UBQLN1: variants seen among roughly 807,000 people sequenced by gnomAD.
UBQLN1 encodes ubiquilin 1.
UBQLN1 carries 13 observed loss-of-function variants against 65.4 expected under a neutral mutation model. That is an observed-to-expected ratio of 0.20 (90% CI 0.13 to 0.32). The LOEUF is 0.32. Among genes scored for constraint, UBQLN1 ranks in the 10% least tolerant of loss-of-function variants. UBQLN1 has a pLI of 1.00. For synonymous variants in UBQLN1, 267 were observed against 247.8 expected (o/e 1.08, Z -0.73); for missense variants, 561 against 724.0 (o/e 0.77, Z 2.58).
intron 1 of UBQLN1, among the ~76,000 whole-genome samples, chr9:83,700,282 T>A (rs1017875701): frequency 6.6e-6 from 1 of 151,600 alleles, no homozygotes; most frequent in Admixed American, 6.6e-5. Context: ...GCCTGGAGAG[T>A]GGTGACCTGG....
chr9:83,669,139 T>G, intron 7 of UBQLN1, 46 bp downstream of exon 7: 2 of 1,572,792 alleles, frequency 1.3e-6, no homozygotes, highest in Non-Finnish European at 1.7e-6. Context: ...ATTAGGTTAT[T>G]TTAATTCACA....
chr9:83,674,648 T>C (rs914966928), intron 6 of UBQLN1, among the ~76,000 whole-genome samples: 4 of 152,180 alleles, frequency 2.6e-5, no homozygotes, highest in Admixed American at 2.0e-4. Flanking sequence ...AGGAACAGTT[T>C]TTCTCAGAGT....
intron 1 of UBQLN1, among the ~76,000 whole-genome samples, chr9:83,692,438 C>CTT (rs1832143706): frequency 1.3e-5 from 2 of 152,192 alleles, no homozygotes; most frequent in Non-Finnish European, 2.9e-5. Context: ...GAATCAGAAA[C>CTT]TAAATAGTAT....
rs186760084 is a variant in UBQLN1 at position 83,688,581 on chromosome 9, G to A, written c.181-2426C>T. 1.5e-3 allele frequency among the ~76,000 whole-genome samples: 224 copies of A among 151,436 alleles called. 1 individual carries two copies. The highest frequency in any genetic ancestry group is 5.1e-3 in the African/African-American group (209 of 41,262). ...AGATACTAGATTAAACACATGCATC[G>A]GGCGGGGTGCAGTGGCTCACACCTG... On this transcript the variant is annotated intron_variant, in intron 1 of 10. Coordinates refer to ENST00000376395, the MANE Select transcript of UBQLN1 (RefSeq NM_013438.5).
chr9:83,671,761 G>A (rs1222523377), intron 6 of UBQLN1, among the ~76,000 whole-genome samples: 2 of 152,052 alleles, frequency 1.3e-5, no homozygotes, highest in Admixed American at 1.3e-4. Context: ...TAATAAATGA[G>A]CACTGGCTTC....
At position 83,664,843 on chromosome 9, in the gene UBQLN1, C is replaced by T. The variant is rs548097166; in HGVS notation, c.1448+187G>A. Reference sequence around the variant, plus strand: ...CTGAGGTGAGAGAATCCCTTGAGCCCGAGAGGTCGAGGCTGCAGTGAGCCA... The same window carrying T: ...CTGAGGTGAGAGAATCCCTTGAGCCTGAGAGGTCGAGGCTGCAGTGAGCCA... On this transcript the variant is annotated intron_variant, in intron 9 of 10. Coordinates refer to ENST00000376395, the MANE Select transcript of UBQLN1 (RefSeq NM_013438.5). Among the ~76,000 whole-genome samples, 11 of 146,564 alleles carry T rather than the reference C, an allele frequency of 7.5e-5. No homozygotes were observed. The South Asian group carries it at 1.1e-3, about 14-fold the overall frequency.
chr9:83,667,822 C>T, intron 7 of UBQLN1: 1 of 975,352 alleles, frequency 1.0e-6, no homozygotes, highest in South Asian at 4.8e-5. Flanking sequence ...ATAGAAAAAC[C>T]ACAAATTTTA....
At position 83,660,681 on chromosome 9, in the gene UBQLN1, C is replaced by T. The variant is rs1831549896; in HGVS notation, c.*1106G>A. On this transcript the variant is annotated 3_prime_UTR_variant, in exon 11 of 11. Transcript: ENST00000376395. Reference sequence around the variant, plus strand: ...CGCTGCCCCACCCCCCCACCCCGTCCCCCTTTCTCTGAGGCTCTGAAAAGC... The same window carrying T: ...CGCTGCCCCACCCCCCCACCCCGTCTCCCTTTCTCTGAGGCTCTGAAAAGC... The T allele has an allele frequency of 6.7e-6, 1 of 150,226 alleles. No homozygotes were observed. The highest frequency in any genetic ancestry group is 1.5e-5 in the Non-Finnish European group (1 of 67,694). 9.3% of individuals were successfully genotyped at this position (150,226 alleles called of 1,614,324 possible). A position where few individuals can be genotyped will look rare whatever the true frequency, so the allele number is the denominator to read the frequency against.
intron 8 of UBQLN1, 131 bp downstream of exon 8, chr9:83,666,219 C>G: frequency 5.2e-6 from 4 of 772,162 alleles, no homozygotes; most frequent in Non-Finnish European, 6.4e-6. Flanking sequence ...GAATTCTCTA[C>G]GAATTGACAG....
rs113354995 is a variant in UBQLN1, at chr9:83,678,617, A to G, written c.712-18T>C. On this transcript the variant is annotated intron_variant, in intron 4 of 10. Transcript: ENST00000376395. ...TCCAACGTCTACGAAAAATATTTCCAAAAAAAGAAAAAAAAAAGGCATTGA... is the reference window on the plus strand; with the variant it reads ...TCCAACGTCTACGAAAAATATTTCCGAAAAAAGAAAAAAAAAAGGCATTGA... 5.3e-3 allele frequency: 8,366 copies of G among 1,582,172 alleles called. 304 individuals are homozygous for G. The African/African-American group carries it at 0.091, about 17-fold the overall frequency.
At chr9:83,697,730 A>G in intron 1 of UBQLN1, among the ~76,000 whole-genome samples, 1 of 90,356 alleles carries the variant, frequency 1.1e-5, no homozygotes, top group Non-Finnish European at 2.2e-5. Context: ...TATTTTTTGT[A>G]CCCTTTTTTT....
intron 1 of UBQLN1, among the ~76,000 whole-genome samples, chr9:83,703,191 T>G (rs1832339945): frequency 6.6e-6 from 1 of 151,904 alleles, no homozygotes; most frequent in Non-Finnish European, 1.5e-5. Flanking sequence ...ACACAGGGAC[T>G]TTGTGCCACT....
Position 83,677,973 on chromosome 9 carries a change from G to C in UBQLN1, c.871-12C>G. ...GGATTACCACCAAACTGTAATAAAA[G>C]ACATAAAAAATCACAAAGAATAAGC... On this transcript the variant is annotated splice_polypyrimidine_tract_variant and intron_variant, in intron 5 of 10. Coordinates refer to ENST00000376395, the MANE Select transcript of UBQLN1 (RefSeq NM_013438.5). 1.3e-6 allele frequency: 2 copies of C among 1,516,906 alleles called. No homozygotes were observed. Among genetic ancestry groups the C allele is most frequent in the African/African-American group, 1.4e-5 (1 of 71,812 alleles). 94.0% of individuals were successfully genotyped at this position (1,516,906 alleles called of 1,614,324 possible). A position where few individuals can be genotyped will look rare whatever the true frequency, so the allele number is the denominator to read the frequency against.
intron 10 of UBQLN1, among the ~76,000 whole-genome samples, chr9:83,663,113 G>C (rs1473794448): frequency 1.3e-5 from 2 of 149,220 alleles, no homozygotes; most frequent in Non-Finnish European, 3.0e-5. Context: ...AGAGGAAAAA[G>C]GGGAAAGGGG....
rs1238982956 is a variant in UBQLN1 at position 83,660,089 on chromosome 9, T to C, written c.*1698A>G. ...GAAGTTTTTAAACCAAACTGAGGCA[T>C]AAAGCAGAAAGAGCAAAGACACATG... On this transcript the variant is annotated 3_prime_UTR_variant, in exon 11 of 11. Transcript: ENST00000376395. The C allele has an allele frequency of 1.3e-5, 2 of 152,250 alleles. No homozygotes were observed. The highest frequency in any genetic ancestry group is 2.9e-5 in the Non-Finnish European group (2 of 68,042). The allele number at this position is 152,250 out of a possible 1,614,324, so 9.4% of individuals were successfully genotyped here. A position where few individuals can be genotyped will look rare whatever the true frequency, so the allele number is the denominator to read the frequency against.
chr9:83,665,248 T>C, intron 8 of UBQLN1, 103 bp from the exon 9 acceptor site: 1 of 798,504 alleles, frequency 1.3e-6, no homozygotes. Flanking sequence ...TCTAAAACCT[T>C]ACTCCTGGAC....
intron 6 of UBQLN1, among the ~76,000 whole-genome samples, chr9:83,673,983 C>G (rs940246970): frequency 1.3e-5 from 2 of 151,984 alleles, no homozygotes; most frequent in African/African-American, 4.8e-5. Context: ...CTTCTTTGTA[C>G]AGGTGAGGTT....
rs1194101396 is a variant in UBQLN1, at chr9:83,701,851, A to AAAC, written c.180+5646_180+5648dup. Among the ~76,000 whole-genome samples the AAAC allele has an allele frequency of 2.0e-5, 3 of 152,340 alleles. No homozygotes were observed. The East Asian group carries it at 5.8e-4, about 29-fold the overall frequency. Reference sequence around the variant, plus strand: ...AAATGAAAACGTTATGTCCCCACAAAAACTTATACATGAGTGTTCAGAGGC... The same window carrying AAAC: ...AAATGAAAACGTTATGTCCCCACAAAAACAACTTATACATGAGTGTTCAGAGGC... On this transcript the variant is annotated intron_variant, in intron 1 of 10. Transcript: ENST00000376395.
In UBQLN1 at chr9:83,679,788, T is replaced by A; in HGVS notation, c.698A>T (p.Asp233Val). The stretch of plus-strand genomic sequence containing the variant: ...CTTTCCACATACTTGTCTCATTATA[T>A]CTGGATTATTCAACATATGACTAAT... Reference protein sequence around the residue: ...PEISHMLNNPDIMRQTLELAR... With the variant: ...PEISHMLNNPVIMRQTLELAR... Residue 233 changes from aspartate to valine, a missense_variant, in exon 4 of 11, where the codon GAT (aspartate) becomes GTT (valine). Coordinates refer to ENST00000376395, the MANE Select transcript of UBQLN1 (RefSeq NM_013438.5). 6.2e-7 allele frequency: 1 copy of A among 1,614,060 alleles called. No individual in the cohort carries two copies. The highest frequency in any genetic ancestry group is 8.5e-7 in the Non-Finnish European group (1 of 1,179,932).
Sources: gnomAD v4.1 joint callset for allele counts (sites outside exome capture counted in the v4.1 genomes callset) on GRCh38, gnomAD v4.1.1 for gene constraint, MANE v1.5 for transcripts, NCBI Gene and HGNC (gene_info 2026-07-23, HGNC 2026-07-21) for gene names.